Variants in STXBP5 observed in about 807,000 individuals in gnomAD.
STXBP5 encodes the protein syntaxin binding protein 5, also known as syntaxin-binding protein 5.
A neutral mutation model predicts 152.4 loss-of-function variants in STXBP5; 50 were observed. The observed-to-expected ratio is 0.33, with a 90% confidence interval of 0.26 to 0.42. STXBP5 has a LOEUF of 0.42. STXBP5 is among the 10% of genes least tolerant of loss of function. STXBP5 has a pLI of 1.00. For synonymous variants in STXBP5, 492 were observed against 494.7 expected, an observed-to-expected ratio of 0.99 and a Z score of 0.07; for missense variants, 1,167 against 1,388.6, an observed-to-expected ratio of 0.84 and a Z score of 2.54.
At chr6:147,342,016 A>G (rs1784116044) in intron 21 of STXBP5, among the ~76,000 whole-genome samples, 1 of 152,188 alleles carries the variant, frequency 6.6e-6, no homozygotes, top group African/African-American at 2.4e-5. Context: ...ATTTACACCC[A>G]GGTAGCCCCA....
At chr6:147,364,874 T>C (rs966952363) in intron 25 of STXBP5, among the ~76,000 whole-genome samples, 23 of 152,306 alleles carry the variant, frequency 1.5e-4, no homozygotes, top group African/African-American at 5.5e-4. Flanking sequence ...TTTACACATT[T>C]GCAAATTTGA....
chr6:147,279,372 T>C (rs1392898598), intron 8 of STXBP5, among the ~76,000 whole-genome samples: 1 of 152,212 alleles, frequency 6.6e-6, no homozygotes, highest in Non-Finnish European at 1.5e-5. Flanking sequence ...ATTGATAGTA[T>C]ATTCAAGATT....
chr6:147,243,178 A>G (rs538661713), intron 4 of STXBP5, among the ~76,000 whole-genome samples: 100 of 152,290 alleles, frequency 6.6e-4, no homozygotes, highest in Non-Finnish European at 1.3e-3. Flanking sequence ...GTCTTCCTTA[A>G]TGGCTATACT....
chr6:147,358,529 T>C lies in STXBP5; in HGVS notation c.2306-555T>C, dbSNP rs144282642. On this transcript the variant is annotated intron_variant, in intron 22 of 27. Transcript: ENST00000321680. Reference sequence around the variant, plus strand: ...AAAAGTAAATTGTTTTTGTTTTCAATTGTACTTGACCTTTAAACAATGCAG... The same window carrying C: ...AAAAGTAAATTGTTTTTGTTTTCAACTGTACTTGACCTTTAAACAATGCAG... 8.3e-3 allele frequency among the ~76,000 whole-genome samples: 1,260 copies of C among 152,266 alleles called. 23 individuals are homozygous for C. Among genetic ancestry groups the C allele is most frequent in the African/African-American group, 0.029 (1,202 of 41,568 alleles).
At chr6:147,284,369 A>G (rs1780854047) in intron 8 of STXBP5, among the ~76,000 whole-genome samples, 1 of 152,194 alleles carries the variant, frequency 6.6e-6, no homozygotes, top group East Asian at 1.9e-4. Context: ...TTCATTTTAA[A>G]TGAATCTTTA....
intron 21 of STXBP5, among the ~76,000 whole-genome samples, chr6:147,345,801 T>C (rs539800697): frequency 1.3e-5 from 2 of 152,342 alleles, no homozygotes; most frequent in South Asian, 4.1e-4. Flanking sequence ...TTTGCTTCTC[T>C]TGGACATCAT....
intron 26 of STXBP5, among the ~76,000 whole-genome samples, chr6:147,374,217 T>C (rs1450500118): frequency 2.0e-5 from 3 of 152,224 alleles, no homozygotes; most frequent in Non-Finnish European, 4.4e-5. Context: ...CTAAAACTAT[T>C]CTAGTTCATT....
chr6:147,287,244 CCAGGCTGGAGTG>C (rs1363600944), intron 8 of STXBP5, among the ~76,000 whole-genome samples: 1 of 138,152 alleles, frequency 7.2e-6, no homozygotes, highest in Non-Finnish European at 1.5e-5. Flanking sequence ...GCTCTGTCGC[CCAGGCTGGAGTG>C]CAGTGGCGGG....
intron 9 of STXBP5, 137 bp from the exon 10 acceptor site, chr6:147,309,946 GA>G (rs1782281237): frequency 1.8e-6 from 1 of 549,868 alleles, no homozygotes; most frequent in Non-Finnish European, 2.8e-6. Flanking sequence ...AAAATTCCAT[GA>G]GACAATTCAA....
At chr6:147,359,981 G>A (rs550560430) in intron 23 of STXBP5, among the ~76,000 whole-genome samples, 3 of 152,172 alleles carry the variant, frequency 2.0e-5, no homozygotes, top group South Asian at 2.1e-4. Flanking sequence ...CAAAAAGTGG[G>A]CAAAGGACAT....
intron 9 of STXBP5, among the ~76,000 whole-genome samples, chr6:147,299,026 A>G (rs933375024): frequency 2.0e-5 from 3 of 152,060 alleles, no homozygotes; most frequent in Non-Finnish European, 4.4e-5. Context: ...AGTAGCAATG[A>G]AACACAGTTT....
At chr6:147,279,433 C>T (rs1368372268) in intron 8 of STXBP5, among the ~76,000 whole-genome samples, 1 of 152,062 alleles carries the variant, frequency 6.6e-6, no homozygotes, top group Non-Finnish European at 1.5e-5. Context: ...AATTTGAATA[C>T]CTACTTTTTA....
At chr6:147,295,656 T>G (rs1196708414) in intron 9 of STXBP5, among the ~76,000 whole-genome samples, 2 of 152,166 alleles carry the variant, frequency 1.3e-5, no homozygotes, top group Non-Finnish European at 2.9e-5. Flanking sequence ...CTTCCCCTTG[T>G]GGGGAAAACG....
At chr6:147,322,558 CT>C (rs1430071640) in intron 16 of STXBP5, among the ~76,000 whole-genome samples, 1 of 152,176 alleles carries the variant, frequency 6.6e-6, no homozygotes, top group Non-Finnish European at 1.5e-5. Flanking sequence ...GGGTTCTTAC[CT>C]CTGAGTTTGG....
chr6:147,286,255 G>A (rs1258678506), intron 8 of STXBP5, among the ~76,000 whole-genome samples: 1 of 151,982 alleles, frequency 6.6e-6, no homozygotes, highest in South Asian at 2.1e-4. Context: ...TGTAAATTGG[G>A]CTGCTAGAGA....
At chr6:147,314,162 A>G (rs1324746846) in intron 12 of STXBP5, 102 bp from the exon 13 acceptor site, 4 of 1,409,628 alleles carry the variant, frequency 2.8e-6, no homozygotes, top group African/African-American at 2.9e-5. Context: ...CAAGCAAAAT[A>G]TGTTTTTCAC....
rs1042246121 is a variant in STXBP5, at chr6:147,359,236, A to G, written c.2458A>G (p.Thr820Ala). Residue 820 changes from threonine to alanine, a missense_variant, in exon 23 of 28, where the codon ACG (threonine) becomes GCG (alanine). By Grantham distance (58) the Thr-to-Ala change is moderately conservative. Coordinates refer to ENST00000321680, the MANE Select transcript of STXBP5 (RefSeq NM_001127715.4). ...TTCCCCTTGTCTATGGGTTGGAACA[A>G]CGCTAGGAACAGTGCTTGTCATTGC... The part of the protein sequence containing the change: ...SPSPCLWVGT[T>A]LGTVLVIALN... 6 of 1,613,966 alleles carry G rather than the reference A, an allele frequency of 3.7e-6. No individual in the cohort carries two copies. The South Asian group carries it at 4.4e-5, about 12-fold the overall frequency.
intron 2 of STXBP5, among the ~76,000 whole-genome samples, chr6:147,211,923 C>G (rs1776877210): frequency 6.6e-6 from 1 of 152,158 alleles, no homozygotes; most frequent in Admixed American, 6.5e-5. Flanking sequence ...CTCCTCCATC[C>G]TTTTTTGTTC....
At chr6:147,209,336 C>T (rs1456717397) in intron 2 of STXBP5, among the ~76,000 whole-genome samples, 1 of 152,060 alleles carries the variant, frequency 6.6e-6, no homozygotes, top group Non-Finnish European at 1.5e-5. Context: ...CATGGATTGT[C>T]TTTTAATGCA....
Sources: gnomAD v4.1 joint callset for allele counts (sites outside exome capture counted in the v4.1 genomes callset) on GRCh38, gnomAD v4.1.1 for gene constraint, MANE v1.5 for transcripts, NCBI Gene and HGNC (gene_info 2026-07-23, HGNC 2026-07-21) for gene names.